KMT2A: variants seen among roughly 807,000 people sequenced by gnomAD.
KMT2A encodes histone-lysine N-methyltransferase 2A.
A neutral mutation model predicts 345.3 loss-of-function variants in KMT2A; 16 were observed. The observed-to-expected ratio is 0.05, with a 90% CI of 0.03 to 0.07. The LOEUF is 0.07. KMT2A is among the 10% of genes least tolerant of loss of function. The probability of loss-of-function intolerance (pLI) is 1.00; values close to 1 mark genes in which losing one functional copy is unlikely to be tolerated. For missense variants in KMT2A, 3,272 were observed against 4,841.6 expected (o/e 0.68, Z 9.62); for synonymous variants, 1,599 against 1,778.6 (o/e 0.90, Z 2.54).
chr11:118,516,265 T>C (rs1950811540), intron 31 of KMT2A, among the ~76,000 whole-genome samples: 1 of 152,104 alleles, frequency 6.6e-6, no homozygotes, highest in Non-Finnish European at 1.5e-5. Flanking sequence ...TGACAGGAAA[T>C]CTGGAATCTC....
At position 118,472,126 on chromosome 11, in the gene KMT2A, G is replaced by A; in HGVS notation, c.967G>A (p.Glu323Lys). Residue 323 changes from glutamate to lysine, a missense_variant, in exon 3 of 36, where the codon GAA (glutamate) becomes AAA (lysine). Coordinates refer to ENST00000534358, the MANE Select transcript of KMT2A (RefSeq NM_001197104.2). ...KTPSGLLINS[E>K]LEKPQKVRKD... ...CCCTTCGGGTCTCCTCATTAATTCT[G>A]AACTGGAAAAGCCCCAGAAAGTCCG... 6.2e-7 allele frequency: 1 copy of A among 1,613,906 alleles called. No homozygotes were observed. The highest frequency in any genetic ancestry group is 8.5e-7 in the Non-Finnish European group (1 of 1,180,006).
chr11:118,464,432 G>A (rs113566564), intron 1 of KMT2A, among the ~76,000 whole-genome samples: 6,298 of 152,100 alleles, frequency 0.041, 185 homozygotes, highest in South Asian at 0.068. Context: ...CTACTTGGGA[G>A]GTTGAGACAG....
chr11:118,444,282 A>G (rs1949372604), intron 1 of KMT2A, among the ~76,000 whole-genome samples: 1 of 152,218 alleles, frequency 6.6e-6, no homozygotes, highest in East Asian at 1.9e-4. Flanking sequence ...TTTAGATCAA[A>G]CACAAACATT....
chr11:118,494,885 T>A lies in KMT2A; in HGVS notation c.5363+118T>A, dbSNP rs1950380152. On this transcript the variant is annotated intron_variant, in intron 18 of 35. Transcript: ENST00000534358. This position sits in a 1 kb window ranked among gnomAD's most constrained non-coding sequence, Gnocchi z 5.8. ...AATACTAGAAATGAATTGGTTGAAA[T>A]GCCTTTTCGGTGTGGTTTTGAGGAC... is the stretch of plus-strand genomic sequence containing the variant. 3.9e-6 allele frequency: 3 copies of A among 772,546 alleles called. No individual in the cohort carries two copies. The highest frequency in any genetic ancestry group is 6.5e-6 in the Non-Finnish European group (3 of 460,080). The allele number at this position is 772,546 out of a possible 1,614,324, so 47.9% of individuals were successfully genotyped here. A position where few individuals can be genotyped will look rare whatever the true frequency, so the allele number is the denominator to read the frequency against.
Position 118,496,328 on chromosome 11 carries a change from G to A in KMT2A, c.5625G>A (p.Gln1875=), listed in dbSNP as rs1555043943. 6.2e-6 allele frequency: 10 copies of A among 1,613,804 alleles called. No individual in the cohort carries two copies. Among genetic ancestry groups the A allele is most frequent in the Non-Finnish European group, 6.8e-6 (8 of 1,179,788 alleles). Residue 1875 remains glutamine (Q), a synonymous_variant, in exon 20 of 36, where the codon CAG becomes CAA. Coordinates refer to ENST00000534358, the MANE Select transcript of KMT2A (RefSeq NM_001197104.2). This position sits in a 1 kb window ranked among gnomAD's most constrained non-coding sequence, Gnocchi z 4.7. Reference sequence around the variant, plus strand: ...CCCCAGGCATAGAAGACAATAGACAGTGTGCGTTATGTTTGACTTATGGTG... The same window carrying A: ...CCCCAGGCATAGAAGACAATAGACAATGTGCGTTATGTTTGACTTATGGTG... ...NPPPGIEDNR[Q]CALCLTYGDD...
chr11:118,471,994 T>C lies in KMT2A; in HGVS notation c.835T>C (p.Ser279Pro). The change falls in exon 3 of 36, where the codon TCT becomes CCT. Residue 279 changes from serine (S) to proline (P), a missense_variant. Physicochemically the swap from Ser to Pro is moderately conservative, Grantham distance 74. Transcript: ENST00000534358. The part of the protein sequence containing the change: ...KIKKLRAGKL[S>P]PLKSKFKTGK... ...TAAAAAATTAAGAGCAGGTAAACTC[T>C]CTCCTCTCAAGTCTAAGTTTAAGAC... is the stretch of plus-strand genomic sequence containing the variant. 1.9e-6 allele frequency: 3 copies of C among 1,613,938 alleles called. No individual in the cohort carries two copies. The highest frequency in any genetic ancestry group is 2.5e-6 in the Non-Finnish European group (3 of 1,179,954).
chr11:118,479,162 C>A (rs1056737127), intron 5 of KMT2A, among the ~76,000 whole-genome samples: 1 of 152,100 alleles, frequency 6.6e-6, no homozygotes, highest in Non-Finnish European at 1.5e-5. Flanking sequence ...TACAATCACC[C>A]TGTTGTGCTA....
Position 118,495,738 on chromosome 11 carries a change from T to C in KMT2A, c.5402T>C (p.Leu1801Pro). 6.2e-7 allele frequency: 1 copy of C among 1,613,408 alleles called. No homozygotes were observed. The highest frequency in any genetic ancestry group is 8.5e-7 in the Non-Finnish European group (1 of 1,179,720). ...MLPNAVLPPS[L>P]DHNYAQWQER... ...CCAAACGCAGTGCTTCCACCTTCAC[T>C]TGACCATAATTATGCTCAGTGGCAG... Residue 1801 changes from leucine (L) to proline (P), a missense_variant, in exon 19 of 36, where the codon CTT (leucine) becomes CCT (proline). By Grantham distance (98) the Leu-to-Pro change is moderately conservative. Coordinates refer to ENST00000534358, the MANE Select transcript of KMT2A (RefSeq NM_001197104.2). The surrounding 1 kb of genome is among the most constrained non-coding windows in gnomAD (Gnocchi z 4.1).
rs1555045164 is a variant in KMT2A, at chr11:118,499,883, G to C, written c.6128G>C (p.Cys2043Ser). ...CLGILNDLSD[C>S]EDKLFPIGYQ... ...GGAATTCTAAATGATCTCTCCGACT[G>C]TGAAGATAAGCTCTTTCCTATTGGA... Residue 2043 changes from cysteine to serine, a missense_variant, in exon 24 of 36, where the codon TGT becomes TCT. This residue lies in a region of KMT2A where 235 missense variants were observed against 503.4 expected (regional missense o/e 0.47). Coordinates refer to ENST00000534358, the MANE Select transcript of KMT2A (RefSeq NM_001197104.2). The C allele has an allele frequency of 6.2e-7, 1 of 1,612,696 alleles. No individual in the cohort carries two copies. The highest frequency in any genetic ancestry group is 2.2e-5 in the East Asian group (1 of 44,882).
At position 118,525,883 on chromosome 11, in the gene KMT2A, T is replaced by A; in HGVS notation, c.*3711T>A. On this transcript the variant is annotated 3_prime_UTR_variant, in exon 36 of 36. Transcript: ENST00000534358. The stretch of plus-strand genomic sequence containing the variant: ...TTCATTTTAAAGCAATACAAGGTTA[T>A]GGAGCAGATGGTTTTGTGCCGAATC... 1 of 225,500 alleles carries A rather than the reference T, an allele frequency of 4.4e-6. No homozygotes were observed. The highest frequency in any genetic ancestry group is 6.4e-5 in the East Asian group (1 of 15,546). The allele number at this position is 225,500 out of a possible 1,614,324, so 14.0% of individuals were successfully genotyped here.
chr11:118,437,252 C>T (rs1285391818), intron 1 of KMT2A, among the ~76,000 whole-genome samples: 1 of 151,968 alleles, frequency 6.6e-6, no homozygotes, highest in Non-Finnish European at 1.5e-5. Context: ...AACCCCTCCT[C>T]CCTTTCACAG....
At position 118,521,540 on chromosome 11, in the gene KMT2A, A is replaced by G; in HGVS notation, c.11643+123A>G. Reference sequence around the variant, plus strand: ...ATTCAGAGACCTTTCTTAAAAAAATAAACTCTGAAATTTGTGAGGGGCCCA... The same window carrying G: ...ATTCAGAGACCTTTCTTAAAAAAATGAACTCTGAAATTTGTGAGGGGCCCA... On this transcript the variant is annotated intron_variant, in intron 35 of 35. Transcript: ENST00000534358. This position sits in a 1 kb window ranked among gnomAD's most constrained non-coding sequence, Gnocchi z 5.3. 1 of 1,210,242 alleles carries G rather than the reference A, an allele frequency of 8.3e-7. No homozygotes were observed. The highest frequency in any genetic ancestry group is 1.1e-6 in the Non-Finnish European group (1 of 882,714). 75.0% of individuals were successfully genotyped at this position (1,210,242 alleles called of 1,614,324 possible).
intron 10 of KMT2A, among the ~76,000 whole-genome samples, chr11:118,486,375 G>GTT (rs11445156): frequency 3.7e-3 from 541 of 146,542 alleles, no homozygotes; most frequent in African/African-American, 9.9e-3. Context: ...TGTTTCTCTG[G>GTT]TTTTTTTTTT....
chr11:118,517,124 G>A lies in KMT2A; in HGVS notation c.11147-2494G>A, dbSNP rs566953050. Among the ~76,000 whole-genome samples, 19 of 151,974 alleles carry A rather than the reference G, an allele frequency of 1.3e-4. No individual in the cohort carries two copies. In the East Asian group the frequency reaches 2.7e-3, roughly 22 times the overall value. On this transcript the variant is annotated intron_variant, in intron 31 of 35. Transcript: ENST00000534358. ...AGAAAAGAGTTTGCCAGCTGGGCGC[G>A]GTGGCTCACGCCTGTAATCCCATCA...
chr11:118,455,654 G>T (rs1213197239), intron 1 of KMT2A, among the ~76,000 whole-genome samples: 1 of 150,244 alleles, frequency 6.7e-6, no homozygotes, highest in South Asian at 2.1e-4. Context: ...CCCCCTCTCT[G>T]CCCCTTATTA....
At chr11:118,513,965 GAAAAAAA>G (rs1339556842) in intron 31 of KMT2A, among the ~76,000 whole-genome samples, 1 of 132,098 alleles carries the variant, frequency 7.6e-6, no homozygotes, top group African/African-American at 2.8e-5. Flanking sequence ...AAAAGAAAAA[GAAAAAAA>G]AGTCTTGCTC....
In KMT2A at chr11:118,525,130, C is replaced by T. The variant is rs1004898828; in HGVS notation, c.*2958C>T. 4.4e-6 allele frequency: 1 copy of T among 227,378 alleles called. No individual in the cohort carries two copies. Among genetic ancestry groups the T allele is most frequent in the Non-Finnish European group, 8.8e-6 (1 of 114,180 alleles). 14.1% of individuals were successfully genotyped at this position (227,378 alleles called of 1,614,324 possible). On this transcript the variant is annotated 3_prime_UTR_variant, in exon 36 of 36. Transcript: ENST00000534358. The stretch of plus-strand genomic sequence containing the variant: ...AAAACGGCACAGCTATCTCCAAACA[C>T]ATCTGAGTTCATTTCAAAAGTGACC...
intron 1 of KMT2A, among the ~76,000 whole-genome samples, chr11:118,463,323 G>C (rs1949782373): frequency 1.3e-5 from 2 of 152,068 alleles, no homozygotes; most frequent in Admixed American, 1.3e-4. Context: ...ATTATTATAT[G>C]TATAGTTGCT....
At chr11:118,448,093 AT>A (rs1303067481) in intron 1 of KMT2A, 2 of 152,898 alleles carry the variant, frequency 1.3e-5, no homozygotes, top group Non-Finnish European at 2.9e-5. Flanking sequence ...GCTTCCAGAG[AT>A]ATTTCTTTAG....
Sources: allele counts gnomAD v4.1 joint callset (sites outside exome capture counted in the v4.1 genomes callset), GRCh38; gene constraint gnomAD v4.1.1; regional missense constraint gnomAD v4.1.1; non-coding constraint Gnocchi (gnomAD v3.1); transcripts MANE v1.5; gene names NCBI Gene and HGNC (gene_info 2026-07-23, HGNC 2026-07-21).